The following LYPD5 variants were observed in gnomAD, a reference collection of about 807,000 sequenced individuals.
The protein encoded by LYPD5 is ly6/PLAUR domain-containing protein 5.
LYPD5 carries 21 observed loss-of-function variants against 19.1 expected under a neutral mutation model. The observed-to-expected ratio is 1.10, with a 90% CI of 0.78 to 1.58. LYPD5 has a LOEUF of 1.58. Among genes scored for constraint, LYPD5 ranks in the 40% most tolerant of loss-of-function variants. The probability of loss-of-function intolerance (pLI) is 0.00; values close to 1 mark genes in which losing one functional copy is unlikely to be tolerated. For synonymous variants in LYPD5, 128 were observed against 142.7 expected (o/e 0.90, Z 0.74); for missense variants, 287 against 329.8 (o/e 0.87, Z 1.00).
At chr19:43,819,699 A>G (rs1281660098) in intron 1 of LYPD5, among the ~76,000 whole-genome samples, 1 of 151,952 alleles carries the variant, frequency 6.6e-6, no homozygotes, top group Non-Finnish European at 1.5e-5. Flanking sequence ...GTACACAGGC[A>G]CTCTCCCAAA....
chr19:43,801,908 G>T (rs906494116), intron 1 of LYPD5, among the ~76,000 whole-genome samples: 1 of 152,216 alleles, frequency 6.6e-6, no homozygotes, highest in Non-Finnish European at 1.5e-5. Context: ...GTTGCCTGAA[G>T]GTGAAGCCAG....
upstream of LYPD5, chr19:43,802,532 TCG>T: frequency 3.3e-6 from 2 of 599,440 alleles, no homozygotes; most frequent in South Asian, 1.8e-5. Flanking sequence ...TCCTAGGTAA[TCG>T]TGATGGAAAC....
At chr19:43,807,275 TC>T (rs1568405445), upstream of LYPD5, among the ~76,000 whole-genome samples, 85 of 150,818 alleles carry the variant, frequency 5.6e-4, no homozygotes, top group Non-Finnish European at 9.1e-4. Context: ...TCTTTTCTTT[TC>T]TTTTCTTTTT....
At chr19:43,808,593 T>A (rs1183863797) in intron 1 of LYPD5, among the ~76,000 whole-genome samples, 1 of 152,240 alleles carries the variant, frequency 6.6e-6, no homozygotes, top group Admixed American at 6.5e-5. Context: ...TTTCTTGAAT[T>A]TTCTTTTCTT....
intron 1 of LYPD5, among the ~76,000 whole-genome samples, chr19:43,820,159 T>C (rs1970407250): frequency 6.6e-6 from 1 of 152,156 alleles, no homozygotes; most frequent in Non-Finnish European, 1.5e-5. Context: ...ACACACAGTC[T>C]GTCATACAAA....
chr19:43,815,454 G>T (rs1970363754), intron 1 of LYPD5, among the ~76,000 whole-genome samples: 1 of 151,938 alleles, frequency 6.6e-6, no homozygotes, highest in Admixed American at 6.6e-5. Context: ...TGTGCCTGTA[G>T]TCCCAGTTAC....
At chr19:43,808,537 T>C (rs1380802543) in intron 1 of LYPD5, among the ~76,000 whole-genome samples, 1 of 152,232 alleles carries the variant, frequency 6.6e-6, no homozygotes, top group Non-Finnish European at 1.5e-5. Context: ...AAAGAACATG[T>C]AATTAAAGGG....
chr19:43,797,862 G>A (rs778266388), intron 4 of LYPD5, 33 bp from the exon 5 acceptor site: 2 of 1,505,732 alleles, frequency 1.3e-6, no homozygotes, highest in Non-Finnish European at 1.8e-6. Flanking sequence ...GGAACGGTCA[G>A]AACTGAGGGA....
chr19:43,808,510 G>A (rs977927479), intron 1 of LYPD5, among the ~76,000 whole-genome samples: 1 of 152,124 alleles, frequency 6.6e-6, no homozygotes, highest in African/African-American at 2.4e-5. Context: ...TAGGTGGCTG[G>A]GTACCTGGAT....
At chr19:43,805,439 G>T (rs1970262810), upstream of LYPD5, among the ~76,000 whole-genome samples, 1 of 152,052 alleles carries the variant, frequency 6.6e-6, no homozygotes, top group African/African-American at 2.4e-5. Context: ...TTTTCTTTTG[G>T]AACTCTAGTC....
In LYPD5 at chr19:43,797,487, G is replaced by A. The variant is rs749128813; in HGVS notation, c.*104C>T. On this transcript the variant is annotated 3_prime_UTR_variant, in exon 5 of 5. Coordinates refer to ENST00000377950, the MANE Select transcript of LYPD5 (RefSeq NM_001031749.3). ...GATGGAAGGCCAGAGGGACAGGAGTGCAATTCTTACTTTAACATCATTTTC... is the reference window on the plus strand; with the variant it reads ...GATGGAAGGCCAGAGGGACAGGAGTACAATTCTTACTTTAACATCATTTTC... 3 of 946,258 alleles carry A rather than the reference G, an allele frequency of 3.2e-6. No homozygotes were observed. The highest frequency in any genetic ancestry group is 4.8e-6 in the Non-Finnish European group (3 of 619,640). 58.6% of individuals were successfully genotyped at this position (946,258 alleles called of 1,614,324 possible).
chr19:43,815,748 T>G lies in LYPD5; in HGVS notation c.-66+4792A>C, dbSNP rs190051237. 125 of 423,434 alleles carry G rather than the reference T, an allele frequency of 3.0e-4. No homozygotes were observed. The East Asian group carries it at 5.1e-3, about 17-fold the overall frequency. The allele number at this position is 423,434 out of a possible 1,614,324, so 26.2% of individuals were successfully genotyped here. ...TCTATTATTTTTATTTTATTTTATT[T>G]TATTTTTGAGACGGAGTTTCACTTT... On this transcript the variant is annotated intron_variant, in intron 1 of 4. Transcript: ENST00000414615.
intron 1 of LYPD5, among the ~76,000 whole-genome samples, chr19:43,812,129 CA>C (rs2146505446): frequency 6.6e-6 from 1 of 152,286 alleles, no homozygotes; most frequent in East Asian, 1.9e-4. Context: ...TGAACTTTAT[CA>C]CATGGGAGTT....
chr19:43,811,497 C>T (rs1395395385), intron 1 of LYPD5, among the ~76,000 whole-genome samples: 1 of 152,112 alleles, frequency 6.6e-6, no homozygotes, highest in Non-Finnish European at 1.5e-5. Context: ...ACCAGACTGG[C>T]CAACAGGGCG....
intron 1 of LYPD5, among the ~76,000 whole-genome samples, chr19:43,810,742 C>T (rs972684667): frequency 2.6e-5 from 4 of 151,704 alleles, no homozygotes; most frequent in Non-Finnish European, 5.9e-5. Flanking sequence ...ATTCTCCTGC[C>T]TCAGCTTCCC....
In LYPD5 at chr19:43,797,656, GA is replaced by G. The variant is rs749755758; in HGVS notation, c.690del (p.Arg232GlufsTer53). On this transcript the variant is annotated frameshift_variant, in exon 5 of 5. Transcript: ENST00000377950. LOFTEE classifies it low-confidence loss of function (END_TRUNC). ...QPFTSASATTPPRALQVLALL... is the reference protein window; with the variant it reads ...QPFTSASATTXPRALQVLALL... ...AGGGCCAGGACCTGTAGTGCTCGGG[GA>G]GGGGTGGTGGCTGAAGCACTGGTGA... The G allele has an allele frequency of 6.2e-7, 1 of 1,613,912 alleles. No individual in the cohort carries two copies. Among genetic ancestry groups the G allele is most frequent in the Non-Finnish European group, 8.5e-7 (1 of 1,179,880 alleles).
chr19:43,797,880 G>GAACCTT lies in LYPD5; in HGVS notation c.518-52_518-51insAAGGTT. 3 of 1,391,164 alleles carry GAACCTT rather than the reference G, an allele frequency of 2.2e-6. No homozygotes were observed. In the South Asian group the frequency reaches 3.6e-5, roughly 17 times the overall value. The allele number at this position is 1,391,164 out of a possible 1,614,324, so 86.2% of individuals were successfully genotyped here. A position where few individuals can be genotyped will look rare whatever the true frequency, so the allele number is the denominator to read the frequency against. The stretch of plus-strand genomic sequence containing the variant: ...ACGGTCAGAACTGAGGGAGACAGCT[G>GAACCTT]CACCTGAACCTTCACCTTGGTAGCT... On this transcript the variant is annotated intron_variant, in intron 4 of 4. Coordinates refer to ENST00000377950, the MANE Select transcript of LYPD5 (RefSeq NM_001031749.3).
chr19:43,802,272 A>C, intron 1 of LYPD5, 45 bp downstream of exon 1: 1 of 1,521,788 alleles, frequency 6.6e-7, no homozygotes, highest in Non-Finnish European at 8.9e-7. Context: ...CTAGGAGTCC[A>C]GGCCACCTGC....
chr19:43,802,544 CA>C, upstream of LYPD5: 2 of 456,028 alleles, frequency 4.4e-6, no homozygotes, highest in South Asian at 2.7e-5. Flanking sequence ...GTGATGGAAA[CA>C]GGGTGATCCT....
Sources: allele counts gnomAD v4.1 joint callset (sites outside exome capture counted in the v4.1 genomes callset), GRCh38; gene constraint gnomAD v4.1.1; transcripts MANE v1.5; gene names NCBI Gene and HGNC (gene_info 2026-07-23, HGNC 2026-07-21).